SLC24A2: variants seen among roughly 807,000 people sequenced by gnomAD.
The protein encoded by SLC24A2 is sodium/potassium/calcium exchanger 2.
A neutral mutation model predicts 62.0 loss-of-function variants in SLC24A2; 36 were observed. The ratio of observed to expected loss-of-function variants is 0.58; its 90% CI spans 0.44 to 0.77. SLC24A2 has a LOEUF of 0.77. SLC24A2 is among the 30% of genes least tolerant of loss of function. The probability of loss-of-function intolerance (pLI) is 0.00; values close to 1 mark genes in which losing one functional copy is unlikely to be tolerated. For missense variants in SLC24A2, 846 were observed against 817.9 expected (o/e 1.03, Z -0.42); for synonymous variants, 358 against 294.0 (o/e 1.22, Z -2.23).
At chr9:19,956,140 G>A in the SLC24A2 span, among the ~76,000 whole-genome samples, 1 of 152,254 alleles carries the variant, frequency 6.6e-6, no homozygotes, top group East Asian at 1.9e-4. Flanking sequence ...TCCCTGCTAC[G>A]CTCTACGTTT....
chr9:20,216,659 T>C, the SLC24A2 span, among the ~76,000 whole-genome samples: 894 of 152,292 alleles, frequency 5.9e-3, 2 homozygotes, highest in Non-Finnish European at 0.01. Flanking sequence ...TTTGGTAGGT[T>C]AAATGGACAG....
chr9:20,054,857 G>C, the SLC24A2 span, among the ~76,000 whole-genome samples: 3 of 152,194 alleles, frequency 2.0e-5, no homozygotes, highest in Non-Finnish European at 4.4e-5. Context: ...CAGCCACTCT[G>C]ATTAATGTTG....
At chr9:19,985,606 A>G in the SLC24A2 span, among the ~76,000 whole-genome samples, 11 of 152,172 alleles carry the variant, frequency 7.2e-5, no homozygotes, top group Non-Finnish European at 1.3e-4. Context: ...ATAAAAGGCA[A>G]GGGAATGTTT....
the SLC24A2 span, among the ~76,000 whole-genome samples, chr9:20,048,385 A>T: frequency 6.6e-6 from 1 of 152,218 alleles, no homozygotes; most frequent in African/African-American, 2.4e-5. Context: ...ACAGTAGAAC[A>T]TATGTATGTG....
At chr9:19,892,573 C>T in the SLC24A2 span, among the ~76,000 whole-genome samples, 1 of 152,194 alleles carries the variant, frequency 6.6e-6, no homozygotes, top group Non-Finnish European at 1.5e-5. Flanking sequence ...AAAACAGACC[C>T]TTAACTTTTA....
At chr9:19,618,384 A>T (rs1817822760) in intron 4 of SLC24A2, among the ~76,000 whole-genome samples, 1 of 152,242 alleles carries the variant, frequency 6.6e-6, no homozygotes, top group Admixed American at 6.5e-5. Flanking sequence ...TCTAGTAAAC[A>T]GATCCCAGGA....
chr9:19,788,977 C>T lies in SLC24A2; in HGVS notation c.-246G>A, dbSNP rs551073535. 2.0e-6 allele frequency: 2 copies of T among 982,756 alleles called. No individual in the cohort carries two copies. The highest frequency in any genetic ancestry group is 1.7e-5 in the African/African-American group (1 of 57,186). 60.9% of individuals were successfully genotyped at this position (982,756 alleles called of 1,614,324 possible). On this transcript the variant is annotated 5_prime_UTR_variant, in exon 1 of 11. Coordinates refer to ENST00000341998, the MANE Select transcript of SLC24A2 (RefSeq NM_020344.4). ...GCCCTCCGCCTACCCGCTCTGAGGC[C>T]CGGGCTCTGGCTCGCACTGGCTGCC...
At chr9:19,708,946 A>T (rs1471028945) in intron 2 of SLC24A2, among the ~76,000 whole-genome samples, 4 of 152,140 alleles carry the variant, frequency 2.6e-5, no homozygotes, top group Non-Finnish European at 5.9e-5. Context: ...CAGCAAAAGA[A>T]ACTACCATCA....
Position 19,648,194 on chromosome 9 carries a change from T to G in SLC24A2, c.931-25895A>C, listed in dbSNP as rs532855189. Among the ~76,000 whole-genome samples, 5 of 152,298 alleles carry G rather than the reference T, an allele frequency of 3.3e-5. No individual in the cohort carries two copies. The East Asian group carries it at 9.6e-4, about 29-fold the overall frequency. ...TTATCTTCATTAGCCACATGGGGAA[T>G]AGAGGTGCAGCAAGGTTAAACAACA... On this transcript the variant is annotated intron_variant, in intron 2 of 10. Transcript: ENST00000341998.
intron 6 of SLC24A2, 50 bp downstream of exon 6, chr9:19,576,874 C>T (rs770756838): frequency 2.1e-6 from 3 of 1,396,416 alleles, no homozygotes; most frequent in South Asian, 1.2e-5. Context: ...CTCTCTGCTC[C>T]CCTCGCTTCC....
chr9:20,039,515 T>C, the SLC24A2 span, among the ~76,000 whole-genome samples: 1 of 151,728 alleles, frequency 6.6e-6, no homozygotes, highest in Admixed American at 6.6e-5. Context: ...CCAACTATAT[T>C]GGGAAGAATT....
At chr9:19,765,288 C>T (rs142059759) in intron 2 of SLC24A2, among the ~76,000 whole-genome samples, 25 of 151,502 alleles carry the variant, frequency 1.7e-4, no homozygotes, top group African/African-American at 5.1e-4. Context: ...GGAATTTAGC[C>T]CGTTTACATT....
At chr9:19,739,147 A>G (rs145832183) in intron 2 of SLC24A2, among the ~76,000 whole-genome samples, 50 of 152,320 alleles carry the variant, frequency 3.3e-4, no homozygotes, top group East Asian at 2.9e-3. Context: ...CTAGGAATAA[A>G]TCTAATCAAA....
chr9:19,771,135 T>A (rs775551382), intron 2 of SLC24A2, among the ~76,000 whole-genome samples: 8 of 152,220 alleles, frequency 5.3e-5, no homozygotes, highest in Non-Finnish European at 8.8e-5. Flanking sequence ...AAGGTGATTA[T>A]GCAATGAGCA....
the SLC24A2 span, among the ~76,000 whole-genome samples, chr9:19,854,457 C>A: frequency 3.3e-5 from 5 of 152,132 alleles, no homozygotes; most frequent in Non-Finnish European, 5.9e-5. Flanking sequence ...CATCTTAACA[C>A]TGCTTTAGCT....
At chr9:19,613,140 A>G (rs560882902) in intron 4 of SLC24A2, among the ~76,000 whole-genome samples, 7 of 152,358 alleles carry the variant, frequency 4.6e-5, no homozygotes, top group South Asian at 4.1e-4. Context: ...ACTACCATAT[A>G]GTAGACCCTC....
chr9:19,980,757 A>G, the SLC24A2 span, among the ~76,000 whole-genome samples: 2 of 152,120 alleles, frequency 1.3e-5, no homozygotes, highest in Admixed American at 1.3e-4. Context: ...TTAAGCAGAA[A>G]CCACTTCACA....
the SLC24A2 span, among the ~76,000 whole-genome samples, chr9:20,293,644 C>A: frequency 1.3e-5 from 2 of 152,114 alleles, no homozygotes; most frequent in Non-Finnish European, 2.9e-5. Flanking sequence ...CTTCACTGGG[C>A]GGGGTTTCTG....
the SLC24A2 span, among the ~76,000 whole-genome samples, chr9:20,263,863 C>CCA: frequency 1.7e-5 from 1 of 57,350 alleles, no homozygotes; most frequent in Non-Finnish European, 3.1e-5. Flanking sequence ...TCCCACCCGC[C>CCA]CCCCCCCCCC....
Sources: gnomAD v4.1 joint callset for allele counts (sites outside exome capture counted in the v4.1 genomes callset) on GRCh38, gnomAD v4.1.1 for gene constraint, MANE v1.5 for transcripts, NCBI Gene and HGNC (gene_info 2026-07-23, HGNC 2026-07-21) for gene names.